NLN: variants seen among roughly 807,000 people sequenced by gnomAD.
NLN encodes the protein neurolysin, mitochondrial.
In NLN, 64 loss-of-function variants were observed where a neutral mutation model predicts 79.9. That is an observed-to-expected ratio of 0.80 (90% confidence interval 0.65 to 0.99). The LOEUF is 0.99. Ranked by LOEUF, NLN falls within the 50% of genes least tolerant of loss-of-function variation. The pLI is 0.00. For missense variants in NLN, 835 were observed against 858.7 expected (o/e 0.97, Z 0.34); for synonymous variants, 267 against 296.6 (o/e 0.90, Z 1.02).
chr5:65,765,391 G>A (rs748536835), intron 3 of NLN, among the ~76,000 whole-genome samples: 6 of 152,084 alleles, frequency 3.9e-5, no homozygotes, highest in Non-Finnish European at 8.8e-5. Flanking sequence ...GGTGGCAGGC[G>A]CCTGTAATCC....
Position 65,820,674 on chromosome 5 carries a change from G to A in NLN, c.1981-2107G>A, listed in dbSNP as rs539876490. On this transcript the variant is annotated intron_variant, in intron 12 of 12. Coordinates refer to ENST00000380985, the MANE Select transcript of NLN (RefSeq NM_020726.5). Reference sequence around the variant, plus strand: ...ACATTTTAGATTCTAGATTGCTGCTGTAGTAGTCATGAATTGCTGCAGAAC... The same window carrying A: ...ACATTTTAGATTCTAGATTGCTGCTATAGTAGTCATGAATTGCTGCAGAAC... Among the ~76,000 whole-genome samples, 48 of 152,290 alleles carry A rather than the reference G, an allele frequency of 3.2e-4. No homozygotes were observed. The South Asian group carries it at 8.7e-3, about 28-fold the overall frequency.
rs1342105228 is a variant in NLN at position 65,827,606 on chromosome 5, A to T, written c.*4691A>T. On this transcript the variant is annotated 3_prime_UTR_variant, in exon 13 of 13. Coordinates refer to ENST00000380985, the MANE Select transcript of NLN (RefSeq NM_020726.5). ...AGATAGTTGCATGATGATTAACGTT[A>T]AACTGGGAGTAATTTCAAGTCATTT... 1 of 152,222 alleles carries T rather than the reference A, an allele frequency of 6.6e-6. No individual in the cohort carries two copies. The highest frequency in any genetic ancestry group is 1.9e-4 in the East Asian group (1 of 5,200). The allele number at this position is 152,222 out of a possible 1,614,324, so 9.4% of individuals were successfully genotyped here. A position where few individuals can be genotyped will look rare whatever the true frequency, so the allele number is the denominator to read the frequency against.
In NLN at chr5:65,745,708, A is replaced by G. The variant is rs551548772; in HGVS notation, c.42-12859A>G. On this transcript the variant is annotated intron_variant, in intron 1 of 12. Coordinates refer to ENST00000380985, the MANE Select transcript of NLN (RefSeq NM_020726.5). ...AAAGGATGGCACTGAGAAAGCCAGCATGGTAGTTAGGGCAGATTCAGAAGT... is the reference window on the plus strand; with the variant it reads ...AAAGGATGGCACTGAGAAAGCCAGCGTGGTAGTTAGGGCAGATTCAGAAGT... Among the ~76,000 whole-genome samples, 6 of 152,338 alleles carry G rather than the reference A, an allele frequency of 3.9e-5. No individual in the cohort carries two copies. In the South Asian group the frequency reaches 1.2e-3, roughly 32 times the overall value.
At chr5:65,793,096 T>C (rs931741555) in intron 9 of NLN, 1 of 280,816 alleles carries the variant, frequency 3.6e-6, no homozygotes, top group Non-Finnish European at 6.9e-6. Flanking sequence ...TTGCCTTTAC[T>C]AACTTCAAAT....
intron 12 of NLN, among the ~76,000 whole-genome samples, chr5:65,812,592 A>C (rs1031199905): frequency 2.0e-5 from 3 of 152,210 alleles, no homozygotes; most frequent in Non-Finnish European, 4.4e-5. Context: ...TTTAAAAAAA[A>C]CTAGTATATT....
intron 1 of NLN, among the ~76,000 whole-genome samples, chr5:65,754,463 A>G (rs576701424): frequency 5.9e-5 from 9 of 152,182 alleles, no homozygotes; most frequent in Non-Finnish European, 8.8e-5. Flanking sequence ...GAAGATGTGC[A>G]TATAATTAGA....
At chr5:65,776,830 A>G (rs542282269) in intron 3 of NLN, among the ~76,000 whole-genome samples, 1 of 152,042 alleles carries the variant, frequency 6.6e-6, no homozygotes, top group Non-Finnish European at 1.5e-5. Flanking sequence ...GTGCTGACTC[A>G]TTTTCCCCAG....
chr5:65,738,970 AAT>A (rs572109765), intron 1 of NLN, among the ~76,000 whole-genome samples: 4 of 67,030 alleles, frequency 6.0e-5, no homozygotes, highest in African/African-American at 1.1e-4. Context: ...TGTATATATA[AAT>A]ATATATATTA....
In NLN at chr5:65,792,576, G is replaced by A. The variant is rs777445940; in HGVS notation, c.1448G>A (p.Arg483His). 17 of 1,613,970 alleles carry A rather than the reference G, an allele frequency of 1.1e-5. No individual in the cohort carries two copies. Among genetic ancestry groups the A allele is most frequent in the African/African-American group, 4.0e-5 (3 of 75,026 alleles). ...AACTTCTCACAGCCAGTGGCAGGTC[G>A]TCCCTCTCTCCTGAGACACGACGAG... Reference protein sequence around the residue: ...VVNFSQPVAGRPSLLRHDEVR... With the variant: ...VVNFSQPVAGHPSLLRHDEVR... Residue 483 changes from arginine to histidine, a missense_variant, in exon 9 of 13, where the codon CGT becomes CAT. Physicochemically the swap from Arg to His is conservative, Grantham distance 29 (BLOSUM62 0). Transcript: ENST00000380985.
At chr5:65,762,043 TC>T (rs1361399473) in intron 2 of NLN, among the ~76,000 whole-genome samples, 1 of 152,210 alleles carries the variant, frequency 6.6e-6, no homozygotes, top group Non-Finnish European at 1.5e-5. Flanking sequence ...TTCACTGACA[TC>T]AGAGATTTTT....
At chr5:65,746,406 A>G (rs1196209048) in intron 1 of NLN, among the ~76,000 whole-genome samples, 1 of 152,250 alleles carries the variant, frequency 6.6e-6, no homozygotes, top group Admixed American at 6.5e-5. Flanking sequence ...AGATGTAAAT[A>G]GTGAAGAATG....
At chr5:65,737,483 C>G (rs1224031462) in intron 1 of NLN, among the ~76,000 whole-genome samples, 1 of 151,932 alleles carries the variant, frequency 6.6e-6, no homozygotes, top group Non-Finnish European at 1.5e-5. Flanking sequence ...TTTTGTTTTT[C>G]ATTTCTGTAC....
chr5:65,723,825 A>AAAAAAAAAAAG, intron 1 of NLN, among the ~76,000 whole-genome samples: 1 of 146,166 alleles, frequency 6.8e-6, no homozygotes, highest in Non-Finnish European at 1.5e-5. Context: ...AAAAAAAAAA[A>AAAAAAAAAAAG]AAAAAAAAAA....
intron 9 of NLN, among the ~76,000 whole-genome samples, chr5:65,800,165 A>G (rs1381620812): frequency 6.6e-6 from 1 of 152,222 alleles, no homozygotes; most frequent in East Asian, 1.9e-4. Context: ...GTAGCCATTA[A>G]AAGCAACTGT....
At chr5:65,757,379 C>G (rs1458666289) in intron 1 of NLN, among the ~76,000 whole-genome samples, 1 of 152,166 alleles carries the variant, frequency 6.6e-6, no homozygotes, top group East Asian at 1.9e-4. Context: ...TGTGACCCTA[C>G]AACTAGCTGC....
intron 1 of NLN, among the ~76,000 whole-genome samples, chr5:65,727,544 A>C (rs1758505928): frequency 6.6e-6 from 1 of 152,092 alleles, no homozygotes; most frequent in Admixed American, 6.6e-5. Context: ...AACAAAAAGC[A>C]AAAAACCTCT....
At chr5:65,749,998 A>C (rs1411049675) in intron 1 of NLN, among the ~76,000 whole-genome samples, 4 of 152,172 alleles carry the variant, frequency 2.6e-5, no homozygotes, top group African/African-American at 9.7e-5. Context: ...TCGGTAAATG[A>C]GTTCTCCCTT....
chr5:65,755,491 A>G (rs923419609), intron 1 of NLN, among the ~76,000 whole-genome samples: 4 of 152,212 alleles, frequency 2.6e-5, no homozygotes, highest in African/African-American at 9.6e-5. Flanking sequence ...CCAATCTTTC[A>G]TAAGGACAAG....
At chr5:65,791,978 T>C (rs1760071607) in intron 8 of NLN, among the ~76,000 whole-genome samples, 1 of 152,206 alleles carries the variant, frequency 6.6e-6, no homozygotes, top group South Asian at 2.1e-4. Flanking sequence ...CTTATTTAAT[T>C]GTGATTACTG....
Sources: allele counts gnomAD v4.1 joint callset (sites outside exome capture counted in the v4.1 genomes callset), GRCh38; gene constraint gnomAD v4.1.1; transcripts MANE v1.5; gene names NCBI Gene and HGNC (gene_info 2026-07-23, HGNC 2026-07-21).